Variants in KIAA0319L observed in about 807,000 individuals in gnomAD.
The protein encoded by KIAA0319L is KIAA0319 like, also known as dyslexia-associated protein KIAA0319-like protein.
KIAA0319L carries 55 observed loss-of-function variants against 120.1 expected under a neutral mutation model. That is an observed-to-expected ratio of 0.46 (90% CI 0.37 to 0.57). The LOEUF is 0.57. KIAA0319L is among the 20% of genes least tolerant of loss of function. The pLI is 0.00. For synonymous variants in KIAA0319L, 398 were observed against 471.9 expected (o/e 0.84, Z 2.03); for missense variants, 1,049 against 1,255.3 (o/e 0.84, Z 2.48).
chr1:35,490,089 T>G (rs1353570060), intron 3 of KIAA0319L, among the ~76,000 whole-genome samples: 2 of 152,134 alleles, frequency 1.3e-5, no homozygotes, highest in African/African-American at 4.8e-5. Flanking sequence ...GCCCCCCAAG[T>G]AGCTTTTTGT....
intron 4 of KIAA0319L, among the ~76,000 whole-genome samples, chr1:35,475,987 C>T (rs1250515338): frequency 6.6e-6 from 1 of 152,218 alleles, no homozygotes; most frequent in African/African-American, 2.4e-5. Context: ...ATTCTAAATA[C>T]AGCATTTTGT....
intron 3 of KIAA0319L, among the ~76,000 whole-genome samples, chr1:35,487,616 G>A (rs1644438931): frequency 6.6e-6 from 1 of 152,168 alleles, no homozygotes; most frequent in South Asian, 2.1e-4. Context: ...ACTCAGATTT[G>A]GGGCCTGTTC....
rs1320122437 is a variant in KIAA0319L, at chr1:35,454,440, C to T, written c.1702G>A (p.Asp568Asn). 6.2e-7 allele frequency: 1 copy of T among 1,614,042 alleles called. No homozygotes were observed. The highest frequency in any genetic ancestry group is 2.2e-5 in the East Asian group (1 of 44,884). Reference protein sequence around the residue: ...TLQLSAMQEGDYTYQLTVTDT... With the variant: ...TLQLSAMQEGNYTYQLTVTDT... ...GTCACTGTGAGCTGGTAAGTGTAGT[C>T]TCCTTCTTGCATCGCAGAGAGCTGT... Residue 568 changes from aspartate to asparagine, a missense_variant, in exon 11 of 21, where the codon GAC (aspartate) becomes AAC (asparagine). Transcript: ENST00000325722.
chr1:35,557,379 C>G lies in KIAA0319L; in HGVS notation c.-201G>C, dbSNP rs951225056. 8.5e-5 allele frequency: 27 copies of G among 317,404 alleles called. No homozygotes were observed. The highest frequency in any genetic ancestry group is 3.1e-5 in the Non-Finnish European group (5 of 162,150). The allele number at this position is 317,404 out of a possible 1,614,324, so 19.7% of individuals were successfully genotyped here. A position where few individuals can be genotyped will look rare whatever the true frequency, so the allele number is the denominator to read the frequency against. ...ACAGCTACCTCTCGCCTCAGCCTCC[C>G]TGGACAGCGACGGCGGCCGGAAACA... On this transcript the variant is annotated 5_prime_UTR_variant, in exon 1 of 21. Coordinates refer to ENST00000325722, the MANE Select transcript of KIAA0319L (RefSeq NM_024874.5).
At chr1:35,443,576 G>A (rs1641384945) in intron 17 of KIAA0319L, among the ~76,000 whole-genome samples, 1 of 152,052 alleles carries the variant, frequency 6.6e-6, no homozygotes. Flanking sequence ...GGAGGCTGAG[G>A]CAGGAGAATC....
At chr1:35,435,949 C>G (rs985277139) in intron 20 of KIAA0319L, among the ~76,000 whole-genome samples, 1 of 152,114 alleles carries the variant, frequency 6.6e-6, no homozygotes, top group African/African-American at 2.4e-5. Flanking sequence ...CAGGTGGCAC[C>G]CCCTCAGCAG....
At chr1:35,451,385 AAAG>A (rs1171421795) in intron 13 of KIAA0319L, among the ~76,000 whole-genome samples, 2 of 152,312 alleles carry the variant, frequency 1.3e-5, no homozygotes, top group Non-Finnish European at 2.9e-5. Context: ...GGAGGACTGA[AAAG>A]AAAGTAAGGG....
At chr1:35,478,794 G>A (rs185707860) in intron 4 of KIAA0319L, among the ~76,000 whole-genome samples, 172 bp downstream of exon 4, 168 of 152,324 alleles carry the variant, frequency 1.1e-3, no homozygotes, top group African/African-American at 3.0e-3. Context: ...GAGGCCTGCT[G>A]AGGAAAGGCT....
At chr1:35,535,096 T>TAAAAAAAAA (rs56965473) in intron 2 of KIAA0319L, among the ~76,000 whole-genome samples, 3 of 56,328 alleles carry the variant, frequency 5.3e-5, no homozygotes, top group Non-Finnish European at 8.2e-5. Flanking sequence ...GACTCCGTCT[T>TAAAAAAAAA]AAAAAAAAAA....
At chr1:35,552,299 A>G (rs960476752) in intron 2 of KIAA0319L, among the ~76,000 whole-genome samples, 1 of 152,088 alleles carries the variant, frequency 6.6e-6, no homozygotes, top group Non-Finnish European at 1.5e-5. Context: ...CAGAGATCGC[A>G]CTGCGCCACT....
rs77177785 is a variant in KIAA0319L at position 35,468,330 on chromosome 1, G to A, written c.1114-1635C>T. Among the ~76,000 whole-genome samples the A allele has an allele frequency of 7.8e-3, 1,184 of 152,088 alleles. 16 individuals are homozygous for A. The highest frequency in any genetic ancestry group is 0.027 in the African/African-American group (1,130 of 41,474). On this transcript the variant is annotated intron_variant, in intron 6 of 20. Transcript: ENST00000325722. ...ATCCCTTAAATGATGGGTGTTCCCA[G>A]GATTCCAACCTCAGCCTGCTTATTT...
intron 17 of KIAA0319L, chr1:35,443,231 C>A: frequency 1.8e-6 from 1 of 564,778 alleles, no homozygotes; most frequent in Non-Finnish European, 3.2e-6. Context: ...TAGAAAGACA[C>A]TTCCAGCCTG....
At chr1:35,544,794 C>T (rs1646922196) in intron 2 of KIAA0319L, among the ~76,000 whole-genome samples, 1 of 152,184 alleles carries the variant, frequency 6.6e-6, no homozygotes, top group Non-Finnish European at 1.5e-5. Context: ...GACTCACCGT[C>T]CTGCCGTAAA....
chr1:35,489,256 CAAG>C (rs983751568), intron 3 of KIAA0319L, among the ~76,000 whole-genome samples: 34 of 151,942 alleles, frequency 2.2e-4, no homozygotes, highest in Admixed American at 1.6e-3. Flanking sequence ...CTGTTCCAGT[CAAG>C]AAGAAGTAAC....
At chr1:35,511,545 C>T (rs1645444466) in intron 2 of KIAA0319L, 1 of 152,046 alleles carries the variant, frequency 6.6e-6, no homozygotes, top group Admixed American at 6.5e-5. Flanking sequence ...GACTGGGCAA[C>T]ATAGTGAGAC....
chr1:35,460,232 C>CAT, intron 9 of KIAA0319L, 73 bp downstream of exon 9: 2 of 1,216,998 alleles, frequency 1.6e-6, no homozygotes, highest in Non-Finnish European at 2.4e-6. Flanking sequence ...CAAAGTTACT[C>CAT]ATATAACAAT....
chr1:35,490,722 A>G (rs1169569893), intron 3 of KIAA0319L, among the ~76,000 whole-genome samples: 1 of 152,172 alleles, frequency 6.6e-6, no homozygotes, highest in South Asian at 2.1e-4. Context: ...AATACACTTG[A>G]TATGTTTTGG....
intron 3 of KIAA0319L, among the ~76,000 whole-genome samples, chr1:35,499,371 G>A (rs117515120): frequency 3.9e-5 from 6 of 152,148 alleles, no homozygotes; most frequent in East Asian, 3.9e-4. Context: ...CTTAGAAAAC[G>A]GACCAGAGAG....
intron 3 of KIAA0319L, among the ~76,000 whole-genome samples, chr1:35,499,308 T>C (rs1349379900): frequency 6.6e-6 from 1 of 152,176 alleles, no homozygotes; most frequent in African/African-American, 2.4e-5. Flanking sequence ...GGTAGGGCCT[T>C]TGGAAGGTAA....
Sources: allele counts gnomAD v4.1 joint callset (sites outside exome capture counted in the v4.1 genomes callset), GRCh38; gene constraint gnomAD v4.1.1; transcripts MANE v1.5; gene names NCBI Gene and HGNC (gene_info 2026-07-23, HGNC 2026-07-21).